The following RAI1 variants were observed in gnomAD, a reference collection of about 807,000 sequenced individuals.
RAI1 encodes the protein retinoic acid induced 1.
A neutral mutation model predicts 123.8 loss-of-function variants in RAI1; 9 were observed. That is an observed-to-expected ratio of 0.07 (90% CI 0.04 to 0.13). The LOEUF is 0.13. Among genes scored for constraint, RAI1 ranks in the 10% least tolerant of loss-of-function variants. RAI1 has a pLI of 1.00. For synonymous variants in RAI1, 1,231 were observed against 1,127.3 expected (o/e 1.09, Z -1.84); for missense variants, 2,256 against 2,545.8 (o/e 0.89, Z 2.45).
In RAI1 at chr17:17,685,825, C is replaced by T. The variant is rs1914607778; in HGVS notation, c.-149+4032C>T. ...CTGTCCTCATTCAGTCCTGTCCCCT[C>T]CAGCCACAGCTGGCACCTCCTTGTT... On this transcript the variant is annotated intron_variant, in intron 1 of 5. Coordinates refer to ENST00000353383, the MANE Select transcript of RAI1 (RefSeq NM_030665.4). This position sits in a 1 kb window ranked among gnomAD's most constrained non-coding sequence, Gnocchi z 4.0. Among the ~76,000 whole-genome samples, 1 of 152,202 alleles carries T rather than the reference C, an allele frequency of 6.6e-6. No homozygotes were observed. Among genetic ancestry groups the T allele is most frequent in the South Asian group, 2.1e-4 (1 of 4,830 alleles).
intron 1 of RAI1, among the ~76,000 whole-genome samples, chr17:17,703,044 A>G (rs546055532): frequency 5.9e-5 from 9 of 152,310 alleles, no homozygotes; most frequent in East Asian, 1.9e-4. Context: ...TAAGTGCTCA[A>G]TAAATGCTTG....
chr17:17,715,522 C>T (rs976561615), intron 1 of RAI1, among the ~76,000 whole-genome samples: 4 of 152,210 alleles, frequency 2.6e-5, no homozygotes, highest in African/African-American at 9.7e-5. Context: ...CCAGGGCATT[C>T]TGGGATGACA....
At chr17:17,703,286 G>A (rs906634153) in intron 1 of RAI1, among the ~76,000 whole-genome samples, 3 of 152,140 alleles carry the variant, frequency 2.0e-5, no homozygotes, top group Non-Finnish European at 2.9e-5. Flanking sequence ...CTACTGCCCC[G>A]CTGGGAGGCC....
At chr17:17,698,942 G>A (rs1002446115) in intron 1 of RAI1, among the ~76,000 whole-genome samples, 2 of 152,236 alleles carry the variant, frequency 1.3e-5, no homozygotes, top group African/African-American at 4.8e-5. Context: ...GATCTGAGTC[G>A]TGCATTCATG....
At position 17,714,272 on chromosome 17, in the gene RAI1, A is replaced by G. The variant is rs1915647703; in HGVS notation, c.-148-9756A>G. On this transcript the variant is annotated intron_variant, in intron 1 of 5. Coordinates refer to ENST00000353383, the MANE Select transcript of RAI1 (RefSeq NM_030665.4). This position sits in a 1 kb window ranked among gnomAD's most constrained non-coding sequence, Gnocchi z 4.9. ...CTCCCTGCCTACCTTGGCCACTGGG[A>G]GGTTCTGAAGAGACTGGAGGACCAG... Among the ~76,000 whole-genome samples, 1 of 151,306 alleles carries G rather than the reference A, an allele frequency of 6.6e-6. No individual in the cohort carries two copies. Among genetic ancestry groups the G allele is most frequent in the African/African-American group, 2.4e-5 (1 of 41,036 alleles).
intron 2 of RAI1, among the ~76,000 whole-genome samples, chr17:17,781,980 G>A (rs2142998451): frequency 6.6e-6 from 1 of 152,280 alleles, no homozygotes; most frequent in Admixed American, 6.5e-5. Flanking sequence ...TGCGGGGGGA[G>A]AGCAGGAGCC....
At chr17:17,779,919 G>A (rs1384734092) in intron 2 of RAI1, among the ~76,000 whole-genome samples, 2 of 151,088 alleles carry the variant, frequency 1.3e-5, no homozygotes, top group Non-Finnish European at 2.9e-5. Flanking sequence ...GGGACTGCAG[G>A]CACCCGCCAC....
chr17:17,795,846 C>T lies in RAI1; in HGVS notation c.2898C>T (p.Thr966=), dbSNP rs760626549. The T allele has an allele frequency of 1.9e-6, 3 of 1,613,262 alleles. No individual in the cohort carries two copies. Among genetic ancestry groups the T allele is most frequent in the Non-Finnish European group, 2.5e-6 (3 of 1,179,998 alleles). Reference sequence around the variant, plus strand: ...GGGAGCGAGCTCCAGGGGATTCCACCACCTCGGACGCCTCTCTGGCCCAGA... The same window carrying T: ...GGGAGCGAGCTCCAGGGGATTCCACTACCTCGGACGCCTCTCTGGCCCAGA... ...PDGERAPGDS[T]TSDASLAQKP... is the part of the protein sequence containing the mutation. The change falls in exon 3 of 6, where the codon ACC becomes ACT. Residue 966 remains threonine, a synonymous_variant. Coordinates refer to ENST00000353383, the MANE Select transcript of RAI1 (RefSeq NM_030665.4). The surrounding 1 kb of genome is among the most constrained non-coding windows in gnomAD (Gnocchi z 5.9).
chr17:17,794,248 A>T lies in RAI1; in HGVS notation c.1300A>T (p.Ser434Cys). The change falls in exon 3 of 6, where the codon AGC (serine) becomes TGC (cysteine). Residue 434 changes from serine (S) to cysteine (C), a missense_variant. Ser to Cys is a moderately radical substitution (Grantham distance 112). Coordinates refer to ENST00000353383, the MANE Select transcript of RAI1 (RefSeq NM_030665.4). ...CCTGCTGTCGGATCTCAGCCTGCAGAGCCTCACGGCGCTGACCTCACAGGT... is the reference window on the plus strand; with the variant it reads ...CCTGCTGTCGGATCTCAGCCTGCAGTGCCTCACGGCGCTGACCTCACAGGT... ...ENLLSDLSLQ[S>C]LTALTSQVEN... 6.2e-7 allele frequency: 1 copy of T among 1,613,344 alleles called. No homozygotes were observed. Among genetic ancestry groups the T allele is most frequent in the Non-Finnish European group, 8.5e-7 (1 of 1,180,036 alleles).
chr17:17,794,722 C>T lies in RAI1; in HGVS notation c.1774C>T (p.Arg592Trp), dbSNP rs1275950312. The change falls in exon 3 of 6, where the codon CGG becomes TGG. Residue 592 changes from arginine to tryptophan, a missense_variant. Arg to Trp is a moderately radical substitution (Grantham distance 101). This residue lies in a region of RAI1 where 357 missense variants were observed against 480.2 expected (regional missense o/e 0.74). Transcript: ENST00000353383. Reference protein sequence around the residue: ...DSFSKFVAGERDCPRLLLSAL... With the variant: ...DSFSKFVAGEWDCPRLLLSAL... ...CTTCTCCAAGTTCGTGGCGGGTGAGCGGGACTGTCCGCGGCTGCTGCTCAG... is the reference window on the plus strand; with the variant it reads ...CTTCTCCAAGTTCGTGGCGGGTGAGTGGGACTGTCCGCGGCTGCTGCTCAG... 2.5e-6 allele frequency: 4 copies of T among 1,611,168 alleles called. No individual in the cohort carries two copies. The highest frequency in any genetic ancestry group is 2.2e-5 in the East Asian group (1 of 44,890).
chr17:17,798,611 G>A lies in RAI1; in HGVS notation c.5565+98G>A. 2.5e-5 allele frequency: 39 copies of A among 1,542,464 alleles called. 1 individual carries two copies. In the South Asian group the frequency reaches 4.4e-4, roughly 18 times the overall value. On this transcript the variant is annotated intron_variant, in intron 3 of 5. Transcript: ENST00000353383. ...CCTTGTTTCTAGTGCTACAGTGTGGGCCAAATGTGTCTGCAGTCTCGGGAC... is the reference window on the plus strand; with the variant it reads ...CCTTGTTTCTAGTGCTACAGTGTGGACCAAATGTGTCTGCAGTCTCGGGAC...
intron 2 of RAI1, among the ~76,000 whole-genome samples, chr17:17,737,674 C>T (rs1916479674): frequency 1.3e-5 from 2 of 152,202 alleles, no homozygotes; most frequent in African/African-American, 4.8e-5. Context: ...ATCCCCCTAC[C>T]ATGGGGATAC....
intron 2 of RAI1, among the ~76,000 whole-genome samples, chr17:17,758,323 T>C (rs1350854193): frequency 6.6e-6 from 1 of 152,152 alleles, no homozygotes; most frequent in African/African-American, 2.4e-5. Flanking sequence ...AATGGGTGGC[T>C]TACAGCTGAA....
chr17:17,790,073 TGCCCAGCCCAACCCAACCCA>T (rs1227855126), intron 2 of RAI1, among the ~76,000 whole-genome samples: 2 of 152,154 alleles, frequency 1.3e-5, no homozygotes, highest in African/African-American at 4.8e-5. Context: ...TCCTGAGGCC[TGCCCAGCCCAACCCAACCCA>T]GCCCAGCCCT....
chr17:17,739,971 C>G (rs1916567817), intron 2 of RAI1, among the ~76,000 whole-genome samples: 1 of 152,234 alleles, frequency 6.6e-6, no homozygotes, highest in African/African-American at 2.4e-5. Context: ...CGTGGCAGCT[C>G]CCTCTCCCCA....
chr17:17,744,495 T>C (rs1050597679), intron 2 of RAI1, among the ~76,000 whole-genome samples: 4 of 152,020 alleles, frequency 2.6e-5, no homozygotes, highest in Non-Finnish European at 4.4e-5. Flanking sequence ...TGGTTGTAAA[T>C]AAAGAAGGGA....
chr17:17,793,406 C>T lies in RAI1; in HGVS notation c.458C>T (p.Pro153Leu), dbSNP rs1468262694. The T allele has an allele frequency of 6.2e-6, 10 of 1,613,166 alleles. No individual in the cohort carries two copies. Among genetic ancestry groups the T allele is most frequent in the Admixed American group, 3.3e-5 (2 of 59,964 alleles). The part of the protein sequence containing the change: ...ENLMKKTAVP[P>L]SRQYAEQGAQ... ...TTGATGAAAAAGACAGCAGTGCCCC[C>T]CAGCAGGCAGTATGCAGAGCAGGGC... is the stretch of plus-strand genomic sequence containing the variant. Residue 153 changes from proline (P) to leucine (L), a missense_variant, in exon 3 of 6, where the codon CCC becomes CTC. Physicochemically the swap from Pro to Leu is moderately conservative, Grantham distance 98. Transcript: ENST00000353383.
At chr17:17,727,833 A>T (rs1916142914) in intron 2 of RAI1, among the ~76,000 whole-genome samples, 1 of 152,068 alleles carries the variant, frequency 6.6e-6, no homozygotes, top group Non-Finnish European at 1.5e-5. Context: ...CTGGCCCGAG[A>T]TTCACCCCAG....
intron 2 of RAI1, among the ~76,000 whole-genome samples, chr17:17,787,137 C>T (rs929098835): frequency 6.6e-6 from 1 of 152,214 alleles, no homozygotes; most frequent in African/African-American, 2.4e-5. Context: ...ACTCCTGGGG[C>T]TTGGGGTGGG....
Sources: gnomAD v4.1 joint callset for allele counts (sites outside exome capture counted in the v4.1 genomes callset) on GRCh38, gnomAD v4.1.1 for gene constraint, gnomAD v4.1.1 regional missense constraint, Gnocchi (gnomAD v3.1) non-coding constraint, MANE v1.5 for transcripts, NCBI Gene and HGNC (gene_info 2026-07-23, HGNC 2026-07-21) for gene names.